Variants in PRKAG2 observed in about 807,000 individuals in gnomAD.
PRKAG2 encodes the protein 5'-AMP-activated protein kinase subunit gamma-2.
In PRKAG2, 26 loss-of-function variants were observed where a neutral mutation model predicts 69.6. The ratio of observed to expected loss-of-function variants is 0.37; its 90% CI spans 0.27 to 0.52. The LOEUF (loss-of-function observed/expected upper bound fraction) is 0.52, where lower values mean the gene tolerates loss of function less well. Among genes scored for constraint, PRKAG2 ranks in the 20% least tolerant of loss-of-function variants. The pLI, the probability that PRKAG2 is intolerant of heterozygous loss-of-function variation, is 0.90. For synonymous variants in PRKAG2, 293 were observed against 285.0 expected (o/e 1.03, Z -0.28); for missense variants, 557 against 740.0 (o/e 0.75, Z 2.87).
At chr7:151,562,244 C>CA (rs575674668) in intron 14 of PRKAG2, among the ~76,000 whole-genome samples, 704 of 38,344 alleles carry the variant, frequency 0.018, 24 homozygotes, top group Non-Finnish European at 0.027. Context: ...GACTTTGTCT[C>CA]AAAAAAAAAA....
At chr7:151,561,807 C>T (rs1805025945) in intron 14 of PRKAG2, among the ~76,000 whole-genome samples, 1 of 151,896 alleles carries the variant, frequency 6.6e-6, no homozygotes, top group African/African-American at 2.4e-5. Context: ...CTGGTGGGCA[C>T]CTGTAGTCCC....
rs1317214041 is a variant in PRKAG2, at chr7:151,780,753, C to G, written c.466+399G>C. The stretch of plus-strand genomic sequence containing the variant: ...CACAGAGAGTGGAAGCCATATCAGG[C>G]TGACCAAAGCAGTATGGTCCCGTGG... On this transcript the variant is annotated intron_variant, in intron 3 of 15. Transcript: ENST00000287878. The surrounding 1 kb of genome is among the most constrained non-coding windows in gnomAD (Gnocchi z 4.2). Among the ~76,000 whole-genome samples, 3 of 152,164 alleles carry G rather than the reference C, an allele frequency of 2.0e-5. No homozygotes were observed. The highest frequency in any genetic ancestry group is 7.2e-5 in the African/African-American group (3 of 41,428).
Position 151,762,286 on chromosome 7 carries a change from G to A in PRKAG2, c.466+18866C>T, listed in dbSNP as rs1168471158. ...CCAGGGTGGGAAATGACTTTCCGCAGTAGGCAGGCAACTGTTGCAAGAATG... is the reference window on the plus strand; with the variant it reads ...CCAGGGTGGGAAATGACTTTCCGCAATAGGCAGGCAACTGTTGCAAGAATG... On this transcript the variant is annotated intron_variant, in intron 3 of 15. Coordinates refer to ENST00000287878, the MANE Select transcript of PRKAG2 (RefSeq NM_016203.4). Among the ~76,000 whole-genome samples, 3 of 152,222 alleles carry A rather than the reference G, an allele frequency of 2.0e-5. No homozygotes were observed. The South Asian group carries it at 6.2e-4, about 32-fold the overall frequency.
chr7:151,673,800 A>G (rs1832441860), intron 4 of PRKAG2, among the ~76,000 whole-genome samples: 1 of 149,196 alleles, frequency 6.7e-6, no homozygotes, highest in South Asian at 2.1e-4. Context: ...TCAGGTTAAG[A>G]TGATAGGGGT....
chr7:151,839,124 G>T (rs1282910638), intron 1 of PRKAG2, among the ~76,000 whole-genome samples: 3 of 152,156 alleles, frequency 2.0e-5, no homozygotes, highest in Non-Finnish European at 2.9e-5. Context: ...CTAGGCAGGG[G>T]CACGTTGGGC....
intron 6 of PRKAG2, among the ~76,000 whole-genome samples, chr7:151,588,143 A>C (rs1383667792): frequency 2.6e-5 from 4 of 152,078 alleles, no homozygotes. Context: ...TTCCATTATG[A>C]AGTTTTATTT....
chr7:151,834,715 G>C (rs192769620), intron 1 of PRKAG2, among the ~76,000 whole-genome samples: 4 of 152,240 alleles, frequency 2.6e-5, no homozygotes, highest in Non-Finnish European at 5.9e-5. Context: ...CCCCAGGAAC[G>C]GAGTGGAGGG....
At chr7:151,724,764 C>T (rs1797665717) in intron 3 of PRKAG2, among the ~76,000 whole-genome samples, 1 of 149,372 alleles carries the variant, frequency 6.7e-6, no homozygotes, top group Non-Finnish European at 1.5e-5. Flanking sequence ...CACGCTCCCT[C>T]CTGCTAGGGC....
At chr7:151,859,735 C>T (rs1382940337) in intron 1 of PRKAG2, among the ~76,000 whole-genome samples, 1 of 152,202 alleles carries the variant, frequency 6.6e-6, no homozygotes, top group East Asian at 1.9e-4. Flanking sequence ...TCATCAGCCA[C>T]TTGCCAGCCA....
At chr7:151,765,451 C>CAACAGGAGATTT (rs2075685267) in intron 3 of PRKAG2, among the ~76,000 whole-genome samples, 1 of 151,996 alleles carries the variant, frequency 6.6e-6, no homozygotes, top group Non-Finnish European at 1.5e-5. Flanking sequence ...ACAGGAGATT[C>CAACAGGAGATTT]GGGTGGTAAC....
At chr7:151,579,948 G>A (rs1176533574) in intron 6 of PRKAG2, among the ~76,000 whole-genome samples, 3 of 152,232 alleles carry the variant, frequency 2.0e-5, no homozygotes, top group Non-Finnish European at 4.4e-5. Flanking sequence ...CTAGGTTAGA[G>A]CATATATCCA....
At chr7:151,847,018 G>A (rs914400910) in intron 1 of PRKAG2, among the ~76,000 whole-genome samples, 3 of 152,244 alleles carry the variant, frequency 2.0e-5, no homozygotes, top group Non-Finnish European at 4.4e-5. Context: ...GTGTATGGGG[G>A]TAAGCGGCTG....
chr7:151,849,354 A>G (rs928696736), intron 1 of PRKAG2, among the ~76,000 whole-genome samples: 3 of 152,130 alleles, frequency 2.0e-5, no homozygotes, highest in South Asian at 4.1e-4. Flanking sequence ...CAGGAGTCCA[A>G]GCGATGTCAG....
chr7:151,871,585 G>T (rs1055913638), intron 1 of PRKAG2, among the ~76,000 whole-genome samples: 3 of 152,176 alleles, frequency 2.0e-5, no homozygotes, highest in Non-Finnish European at 4.4e-5. Flanking sequence ...CAAGGGCCAC[G>T]TTCCCTTCCC....
At chr7:151,871,202 C>A (rs551872619) in intron 1 of PRKAG2, among the ~76,000 whole-genome samples, 2 of 152,150 alleles carry the variant, frequency 1.3e-5, no homozygotes, top group Non-Finnish European at 2.9e-5. Context: ...TTTCTTAGAC[C>A]GACATAAGGG....
intron 4 of PRKAG2, among the ~76,000 whole-genome samples, chr7:151,657,312 G>A (rs1343426076): frequency 1.3e-5 from 2 of 152,060 alleles, no homozygotes; most frequent in Non-Finnish European, 2.9e-5. Context: ...TTCCTCTCTC[G>A]GTAGTTCTGG....
intron 4 of PRKAG2, among the ~76,000 whole-genome samples, chr7:151,645,673 A>G (rs1454047565): frequency 6.6e-6 from 1 of 152,182 alleles, no homozygotes; most frequent in Non-Finnish European, 1.5e-5. Context: ...TTGCCTTTTC[A>G]TATTCCTAGT....
chr7:151,729,683 G>A (rs895965804), intron 3 of PRKAG2, among the ~76,000 whole-genome samples: 4 of 152,118 alleles, frequency 2.6e-5, no homozygotes, highest in African/African-American at 4.8e-5. Flanking sequence ...CTACCTGCCA[G>A]AGACCGGCTC....
In PRKAG2 at chr7:151,675,595, G is replaced by T; in HGVS notation, c.509C>A (p.Thr170Asn). The T allele has an allele frequency of 6.2e-7, 1 of 1,614,150 alleles. No individual in the cohort carries two copies. The highest frequency in any genetic ancestry group is 8.5e-7 in the Non-Finnish European group (1 of 1,179,986). Reference protein sequence around the residue: ...SSSPSTPTQVTKQHTFPLESY... With the variant: ...SSSPSTPTQVNKQHTFPLESY... Reference sequence around the variant, plus strand: ...TTCCAGGGGAAACGTGTGCTGCTTGGTCACTTGGGTGGGTGTTGACGGAGA... The same window carrying T: ...TTCCAGGGGAAACGTGTGCTGCTTGTTCACTTGGGTGGGTGTTGACGGAGA... The change falls in exon 4 of 16, where the codon ACC becomes AAC. Residue 170 changes from threonine (T) to asparagine (N), a missense_variant. By Grantham distance (65) the Thr-to-Asn change is moderately conservative. Transcript: ENST00000287878.
Sources: allele counts gnomAD v4.1 joint callset (sites outside exome capture counted in the v4.1 genomes callset), GRCh38; gene constraint gnomAD v4.1.1; non-coding constraint Gnocchi (gnomAD v3.1); transcripts MANE v1.5; gene names NCBI Gene and HGNC (gene_info 2026-07-23, HGNC 2026-07-21).